WDTC1: variants seen among roughly 807,000 people sequenced by gnomAD.
WDTC1 encodes WD and tetratricopeptide repeats 1.
Under a neutral mutation model 76.0 loss-of-function variants are expected in WDTC1, and 12 were observed. The ratio of observed to expected loss-of-function variants is 0.16; its 90% CI spans 0.10 to 0.26. The LOEUF (loss-of-function observed/expected upper bound fraction) is 0.26, where lower values mean the gene tolerates loss of function less well. Among genes scored for constraint, WDTC1 ranks in the 10% least tolerant of loss-of-function variants. The pLI is 1.00. For synonymous variants in WDTC1, 326 were observed against 350.8 expected (o/e 0.93, Z 0.79); for missense variants, 511 against 908.8 (o/e 0.56, Z 5.63).
intron 1 of WDTC1, among the ~76,000 whole-genome samples, chr1:27,258,907 T>C (rs968543897): frequency 1.1e-4 from 17 of 152,190 alleles, no homozygotes; most frequent in African/African-American, 4.1e-4. Context: ...TGGTAAACCC[T>C]GAGAGCCGTC....
At chr1:27,263,691 C>T (rs1044420006) in intron 3 of WDTC1, among the ~76,000 whole-genome samples, 6 of 152,136 alleles carry the variant, frequency 3.9e-5, no homozygotes, top group Admixed American at 2.6e-4. Flanking sequence ...GCCTTGGACT[C>T]CCACTGGGAT....
chr1:27,298,778 G>C (rs1369588223), intron 12 of WDTC1, among the ~76,000 whole-genome samples: 2 of 145,674 alleles, frequency 1.4e-5, no homozygotes, highest in Non-Finnish European at 3.0e-5. Flanking sequence ...CCCAGCCAGG[G>C]CCAGGACTAG....
rs1364296837 is a variant in WDTC1, at chr1:27,283,156, T to G, written c.180-182T>G. Among the ~76,000 whole-genome samples, 3 of 150,064 alleles carry G rather than the reference T, an allele frequency of 2.0e-5. No individual in the cohort carries two copies. The East Asian group carries it at 5.9e-4, about 29-fold the overall frequency. On this transcript the variant is annotated intron_variant, in intron 4 of 15. Coordinates refer to ENST00000319394, the MANE Select transcript of WDTC1 (RefSeq NM_001276252.2). Reference sequence around the variant, plus strand: ...TCCATTTCAAAAAAAAAAAAAAGAATAATGGAAATTTCTCAGGACAAAATA... The same window carrying G: ...TCCATTTCAAAAAAAAAAAAAAGAAGAATGGAAATTTCTCAGGACAAAATA...
intron 3 of WDTC1, among the ~76,000 whole-genome samples, chr1:27,277,795 C>G (rs549989866): frequency 2.0e-5 from 3 of 151,974 alleles, no homozygotes; most frequent in Non-Finnish European, 4.4e-5. Context: ...ATTGTTTTGT[C>G]TATTCTGGGT....
chr1:27,292,421 C>T, intron 7 of WDTC1, 24 bp downstream of exon 7: 1 of 1,514,880 alleles, frequency 6.6e-7, no homozygotes. Flanking sequence ...AGCCTCCTGT[C>T]TCCTGTGAGT....
In WDTC1 at chr1:27,306,864, T is replaced by C. The variant is rs2013968142; in HGVS notation, c.*481T>C. 1 of 167,146 alleles carries C rather than the reference T, an allele frequency of 6.0e-6. No individual in the cohort carries two copies. The highest frequency in any genetic ancestry group is 1.3e-5 in the Non-Finnish European group (1 of 76,370). 10.4% of individuals were successfully genotyped at this position (167,146 alleles called of 1,614,324 possible). ...CCCCTGTGGTCTTCAGGAAAGGTTTTGAAAAAGGATGGGTCCCACCCTCCC... is the reference window on the plus strand; with the variant it reads ...CCCCTGTGGTCTTCAGGAAAGGTTTCGAAAAAGGATGGGTCCCACCCTCCC... On this transcript the variant is annotated 3_prime_UTR_variant, in exon 16 of 16. Coordinates refer to ENST00000319394, the MANE Select transcript of WDTC1 (RefSeq NM_001276252.2). This position sits in a 1 kb window ranked among gnomAD's most constrained non-coding sequence, Gnocchi z 5.0.
chr1:27,279,126 TTA>T (rs2013120546), intron 3 of WDTC1, among the ~76,000 whole-genome samples: 1 of 152,184 alleles, frequency 6.6e-6, no homozygotes, highest in Non-Finnish European at 1.5e-5. Flanking sequence ...TCTTACTGAT[TTA>T]TATGTTTGTT....
chr1:27,305,298 G>A lies in WDTC1; in HGVS notation c.1836+105G>A. ...GAAATGAGCCACCCAGAGGCTAGAAGCTGCTAAGTAAGCCTTACCCCGGGG... is the reference window on the plus strand; with the variant it reads ...GAAATGAGCCACCCAGAGGCTAGAAACTGCTAAGTAAGCCTTACCCCGGGG... On this transcript the variant is annotated intron_variant, in intron 15 of 15. Coordinates refer to ENST00000319394, the MANE Select transcript of WDTC1 (RefSeq NM_001276252.2). The surrounding 1 kb of genome is among the most constrained non-coding windows in gnomAD (Gnocchi z 4.6). 3 of 1,379,852 alleles carry A rather than the reference G, an allele frequency of 2.2e-6. No homozygotes were observed. The highest frequency in any genetic ancestry group is 2.9e-6 in the Non-Finnish European group (3 of 1,040,768). 85.5% of individuals were successfully genotyped at this position (1,379,852 alleles called of 1,614,324 possible).
chr1:27,250,767 TTGTTC>T (rs1487762975), intron 1 of WDTC1, among the ~76,000 whole-genome samples: 1 of 152,128 alleles, frequency 6.6e-6, no homozygotes, highest in Non-Finnish European at 1.5e-5. Context: ...CAAATGTACT[TTGTTC>T]TAAGTCATGT....
intron 5 of WDTC1, among the ~76,000 whole-genome samples, chr1:27,286,666 G>C (rs2013349950): frequency 6.6e-6 from 1 of 151,044 alleles, no homozygotes; most frequent in African/African-American, 2.4e-5. Context: ...GTTTCACCGT[G>C]TTAGCCAGGA....
rs2013924158 is a variant in WDTC1, at chr1:27,305,175, C to G, written c.1818C>G (p.Leu606=). 6.2e-7 allele frequency: 1 copy of G among 1,613,744 alleles called. No homozygotes were observed. Among genetic ancestry groups the G allele is most frequent in the Non-Finnish European group, 8.5e-7 (1 of 1,179,952 alleles). Residue 606 remains leucine, a synonymous_variant, in exon 15 of 16, where the codon CTC becomes CTG. Coordinates refer to ENST00000319394, the MANE Select transcript of WDTC1 (RefSeq NM_001276252.2). The surrounding 1 kb of genome is among the most constrained non-coding windows in gnomAD (Gnocchi z 4.6). ...ATSGIDPVVR[L]WNPRPESEDL... ...GTGGCATCGATCCTGTTGTGCGGCT[C>G]TGGAACCCCCGACCAGAGGTGAGGG... is the stretch of plus-strand genomic sequence containing the variant.
rs1157877498 is a variant in WDTC1, at chr1:27,268,881, AT to A, written c.132+5651del. ...AGGTGCACGCCACCACACCCAGCTAATTTTTGTATTTTTAGTAGAGATGGGG... is the reference window on the plus strand; with the variant it reads ...AGGTGCACGCCACCACACCCAGCTAATTTTGTATTTTTAGTAGAGATGGGG... On this transcript the variant is annotated intron_variant, in intron 3 of 15. Coordinates refer to ENST00000319394, the MANE Select transcript of WDTC1 (RefSeq NM_001276252.2). Among the ~76,000 whole-genome samples the A allele has an allele frequency of 8.0e-5, 12 of 150,146 alleles. No individual in the cohort carries two copies. In the East Asian group the frequency reaches 1.0e-3, roughly 13 times the overall value.
intron 1 of WDTC1, among the ~76,000 whole-genome samples, chr1:27,253,532 C>T (rs1309349980): frequency 2.1e-5 from 3 of 144,812 alleles, no homozygotes; most frequent in Non-Finnish European, 4.5e-5. Flanking sequence ...TTTTTTTAAC[C>T]GACAAGGTCT....
chr1:27,281,385 C>T (rs1436345906), intron 3 of WDTC1, among the ~76,000 whole-genome samples: 2 of 140,628 alleles, frequency 1.4e-5, no homozygotes, highest in African/African-American at 2.7e-5. Flanking sequence ...ACCCAGGAGG[C>T]GGAGGTTGCA....
At chr1:27,234,974 G>T in intron 1 of WDTC1, 23 bp downstream of exon 1, 1 of 386,798 alleles carries the variant, frequency 2.6e-6, no homozygotes, top group East Asian at 3.7e-5. Flanking sequence ...GCCGCCCCCT[G>T]CCCTCCGCGG....
At chr1:27,240,054 A>G (rs1431271791) in intron 1 of WDTC1, among the ~76,000 whole-genome samples, 1 of 151,694 alleles carries the variant, frequency 6.6e-6, no homozygotes, top group African/African-American at 2.4e-5. Context: ...ATGCCTGGAT[A>G]ATTTTTGTAT....
At position 27,292,390 on chromosome 1, in the gene WDTC1, A is replaced by G. The variant is rs1434739515; in HGVS notation, c.655A>G (p.Asn219Asp). 1.9e-6 allele frequency: 3 copies of G among 1,598,018 alleles called. No homozygotes were observed. In the South Asian group the frequency reaches 3.4e-5, roughly 18 times the overall value. Residue 219 changes from asparagine to aspartate, a missense_variant, in exon 7 of 16, where the codon AAC becomes GAC. Asn to Asp is a conservative substitution (Grantham distance 23). Transcript: ENST00000319394. The part of the protein sequence containing the change: ...VRLYDIRMIH[N>D]HRKSMKQSPS... ...GCTCTATGACATCCGCATGATCCAT[A>G]ACCACAGGTATGAATAGTTCAGCCT... is the stretch of plus-strand genomic sequence containing the variant.
intron 1 of WDTC1, among the ~76,000 whole-genome samples, chr1:27,235,759 T>C (rs2011481117): frequency 6.6e-6 from 1 of 152,040 alleles, no homozygotes; most frequent in Non-Finnish European, 1.5e-5. Flanking sequence ...GTAACTAATG[T>C]CTTAATAGCC....
In WDTC1 at chr1:27,303,660, T is replaced by C. The variant is rs762043136; in HGVS notation, c.1508T>C (p.Leu503Pro). ...CCTGGTGGCGGCGCCCCAGTCCGCC[T>C]CCGCAGCACGAGCCGCAAGGACTCC... ...KGPGGGAPVR[L>P]RSTSRKDSIS... The change falls in exon 14 of 16, where the codon CTC becomes CCC. Residue 503 changes from leucine to proline, a missense_variant. Leu to Pro is a moderately conservative substitution (Grantham distance 98, BLOSUM62 -3). Transcript: ENST00000319394. The surrounding 1 kb of genome is among the most constrained non-coding windows in gnomAD (Gnocchi z 4.8). The C allele has an allele frequency of 1.2e-6, 2 of 1,608,180 alleles. No individual in the cohort carries two copies.
Sources: gnomAD v4.1 joint callset for allele counts (sites outside exome capture counted in the v4.1 genomes callset) on GRCh38, gnomAD v4.1.1 for gene constraint, Gnocchi (gnomAD v3.1) non-coding constraint, MANE v1.5 for transcripts, NCBI Gene and HGNC (gene_info 2026-07-23, HGNC 2026-07-21) for gene names.